TACC2: variants seen among roughly 807,000 people sequenced by gnomAD.
TACC2 encodes transforming acidic coiled-coil-containing protein 2.
TACC2 carries 137 observed loss-of-function variants against 227.3 expected under a neutral mutation model. The ratio of observed to expected loss-of-function variants is 0.60; its 90% confidence interval spans 0.52 to 0.69. The LOEUF (loss-of-function observed/expected upper bound fraction) is 0.69. Among genes scored for constraint, TACC2 ranks in the 30% least tolerant of loss-of-function variants. TACC2 has a pLI of 0.00. For synonymous variants in TACC2, 1,523 were observed against 1,487.5 expected (o/e 1.02, Z -0.55); for missense variants, 3,470 against 3,694.4 (o/e 0.94, Z 1.57).
intron 6 of TACC2, among the ~76,000 whole-genome samples, chr10:122,142,966 C>A (rs545174971): frequency 6.6e-6 from 1 of 152,326 alleles, no homozygotes; most frequent in East Asian, 1.9e-4. Context: ...CCCCCGGAGG[C>A]CCCGCACGCT....
intron 7 of TACC2, among the ~76,000 whole-genome samples, chr10:122,188,362 C>T (rs1201841944): frequency 6.6e-6 from 1 of 152,152 alleles, no homozygotes; most frequent in African/African-American, 2.4e-5. Flanking sequence ...TCACTACAAC[C>T]TCTGCCTCCC....
intron 2 of TACC2, among the ~76,000 whole-genome samples, chr10:122,043,108 T>A (rs2074503002): frequency 6.6e-6 from 1 of 152,202 alleles, no homozygotes; most frequent in Non-Finnish European, 1.5e-5. Flanking sequence ...GGAACTGATC[T>A]GACCAAGGGC....
chr10:122,154,092 T>C (rs2092300343), intron 7 of TACC2, among the ~76,000 whole-genome samples: 1 of 152,242 alleles, frequency 6.6e-6, no homozygotes, highest in Non-Finnish European at 1.5e-5. Context: ...TGAGTTGCCT[T>C]CAGCCCTGGC....
chr10:122,249,702 C>T (rs906921043), intron 22 of TACC2, 38 bp downstream of exon 22: 3 of 1,586,018 alleles, frequency 1.9e-6, no homozygotes, highest in East Asian at 2.3e-5. Context: ...GTGGGCCGGG[C>T]TGCTGCTCTC....
intron 1 of TACC2, among the ~76,000 whole-genome samples, chr10:122,016,010 T>C (rs886730337): frequency 2.0e-5 from 3 of 151,100 alleles, no homozygotes; most frequent in African/African-American, 4.9e-5. Context: ...CATGTAATCC[T>C]AGCACTTTGG....
At chr10:122,097,948 C>G (rs912164703) in intron 5 of TACC2, among the ~76,000 whole-genome samples, 1 of 152,128 alleles carries the variant, frequency 6.6e-6, no homozygotes, top group African/African-American at 2.4e-5. Context: ...AAGCCGAGGG[C>G]TCTCTCACCG....
intron 3 of TACC2, among the ~76,000 whole-genome samples, chr10:122,053,984 A>G (rs1031409227): frequency 3.3e-5 from 5 of 152,202 alleles, no homozygotes; most frequent in Non-Finnish European, 5.9e-5. Context: ...GCGTGTGTGA[A>G]TATTCCCAAA....
At chr10:122,066,425 C>T (rs1391389084) in intron 3 of TACC2, among the ~76,000 whole-genome samples, 9 of 152,132 alleles carry the variant, frequency 5.9e-5, no homozygotes, top group Non-Finnish European at 8.8e-5. Flanking sequence ...TGCACCACCA[C>T]ACCCAGCTAA....
At chr10:122,252,137 G>A (rs546486184) in intron 22 of TACC2, among the ~76,000 whole-genome samples, 51 of 152,292 alleles carry the variant, frequency 3.3e-4, no homozygotes, top group African/African-American at 1.2e-3. Flanking sequence ...ACTTTCTAAC[G>A]GGTCTGCTGA....
At chr10:122,005,068 T>C (rs1042140916) in intron 1 of TACC2, among the ~76,000 whole-genome samples, 1 of 152,006 alleles carries the variant, frequency 6.6e-6, no homozygotes. Context: ...TAGAATTCAG[T>C]AAGTTACTGT....
chr10:122,018,686 G>A (rs1416432148), intron 1 of TACC2, among the ~76,000 whole-genome samples: 2 of 152,158 alleles, frequency 1.3e-5, no homozygotes, highest in Non-Finnish European at 2.9e-5. Context: ...TGAGGCTTTT[G>A]GAGTTCCTCC....
intron 5 of TACC2, among the ~76,000 whole-genome samples, chr10:122,121,209 ATT>A (rs2085720639): frequency 6.6e-6 from 1 of 152,106 alleles, no homozygotes. Context: ...TACATTCTGT[ATT>A]TTGTGTTTGG....
At chr10:122,189,137 AT>A (rs2094320530) in intron 7 of TACC2, among the ~76,000 whole-genome samples, 1 of 152,164 alleles carries the variant, frequency 6.6e-6, no homozygotes, top group South Asian at 2.1e-4. Context: ...GACCGGTCTG[AT>A]CATACTGTTT....
chr10:122,096,357 C>T (rs1298572848), intron 5 of TACC2, among the ~76,000 whole-genome samples: 1 of 152,174 alleles, frequency 6.6e-6, no homozygotes, highest in African/African-American at 2.4e-5. Flanking sequence ...GCGCTTGTGG[C>T]AAACCCTCCC....
chr10:122,024,845 T>C (rs1023416295), intron 2 of TACC2, among the ~76,000 whole-genome samples: 1 of 152,250 alleles, frequency 6.6e-6, no homozygotes, highest in South Asian at 2.1e-4. Context: ...CCAGTTTTTG[T>C]CTTTTACAGA....
At chr10:122,146,194 T>G (rs2091351235) in intron 7 of TACC2, among the ~76,000 whole-genome samples, 1 of 151,984 alleles carries the variant, frequency 6.6e-6, no homozygotes, top group Non-Finnish European at 1.5e-5. Context: ...TGGGTTTATG[T>G]GTGGGCTGGG....
At chr10:122,095,555 T>C (rs1406558938) in intron 5 of TACC2, among the ~76,000 whole-genome samples, 1 of 152,204 alleles carries the variant, frequency 6.6e-6, no homozygotes, top group Non-Finnish European at 1.5e-5. Flanking sequence ...GTGTACCCCT[T>C]TTCCAGATGA....
rs2081621351 is a variant in TACC2, at chr10:122,097,779, G to A, written c.5573+9188G>A. ...AGGAGGGTTACAGTGGGGAGAAGAT[G>A]AGATGAGACACGGCACACCCGACAC... On this transcript the variant is annotated intron_variant, in intron 5 of 22. Transcript: ENST00000369005. Among the ~76,000 whole-genome samples, 4 of 152,278 alleles carry A rather than the reference G, an allele frequency of 2.6e-5. No homozygotes were observed. The South Asian group carries it at 8.3e-4, about 32-fold the overall frequency.
chr10:122,177,132 C>T (rs1264648326), intron 7 of TACC2, among the ~76,000 whole-genome samples: 1 of 152,186 alleles, frequency 6.6e-6, no homozygotes. Flanking sequence ...ACTCCTGTGT[C>T]TGCAGTTTCT....
Sources: gnomAD v4.1 joint callset for allele counts (sites outside exome capture counted in the v4.1 genomes callset) on GRCh38, gnomAD v4.1.1 for gene constraint, MANE v1.5 for transcripts, NCBI Gene and HGNC (gene_info 2026-07-23, HGNC 2026-07-21) for gene names.